The following ZFHX3 variants were observed in gnomAD, a reference collection of about 807,000 sequenced individuals.
ZFHX3 encodes zinc finger homeobox 3.
In ZFHX3, 42 loss-of-function variants were observed where a neutral mutation model predicts 279.1. That is an observed-to-expected ratio of 0.15 (90% confidence interval 0.12 to 0.19). The LOEUF (loss-of-function observed/expected upper bound fraction) is 0.19, where lower values mean the gene tolerates loss of function less well. ZFHX3 is among the 10% of genes least tolerant of loss of function. ZFHX3 has a pLI of 1.00. For missense variants in ZFHX3, 4,981 were observed against 4,754.0 expected (o/e 1.05, Z -1.40); for synonymous variants, 2,293 against 1,957.8 (o/e 1.17, Z -4.52).
upstream of ZFHX3, among the ~76,000 whole-genome samples, chr16:73,051,231 C>A (rs182103342): frequency 1.3e-5 from 2 of 152,050 alleles, no homozygotes; most frequent in Admixed American, 6.5e-5. Context: ...TTAAATAACC[C>A]GGAGGCTTTA....
chr16:72,994,451 C>A (rs890751497), intron 1 of ZFHX3, among the ~76,000 whole-genome samples: 51 of 152,188 alleles, frequency 3.4e-4, no homozygotes, highest in Admixed American at 9.2e-4. Flanking sequence ...TCTGGACCAG[C>A]TGAAATTGAG....
intron 2 of ZFHX3, among the ~76,000 whole-genome samples, chr16:73,617,013 C>T (rs973149559): frequency 3.9e-5 from 6 of 152,196 alleles, no homozygotes; most frequent in African/African-American, 1.4e-4. Flanking sequence ...AAGCCAAGCA[C>T]TCGGCCATTT....
At chr16:73,777,559 T>C (rs896842891) in intron 1 of ZFHX3, among the ~76,000 whole-genome samples, 2 of 132,552 alleles carry the variant, frequency 1.5e-5, no homozygotes, top group Non-Finnish European at 3.3e-5. Flanking sequence ...TTTAACAGAA[T>C]TAAGAAAACA....
At chr16:72,879,638 C>T (rs981815123) in intron 4 of ZFHX3, among the ~76,000 whole-genome samples, 2 of 152,088 alleles carry the variant, frequency 1.3e-5, no homozygotes, top group African/African-American at 4.8e-5. Context: ...GTTGGCCAGG[C>T]TGGTCTCCAA....
intron 3 of ZFHX3, among the ~76,000 whole-genome samples, chr16:73,427,570 G>A (rs1382932926): frequency 6.6e-6 from 1 of 152,106 alleles, no homozygotes; most frequent in Admixed American, 6.5e-5. Context: ...GGTGAAATGA[G>A]TCCTGTGCCC....
intron 5 of ZFHX3, among the ~76,000 whole-genome samples, chr16:73,202,297 A>G (rs1385892323): frequency 6.6e-6 from 1 of 152,224 alleles, no homozygotes; most frequent in Non-Finnish European, 1.5e-5. Context: ...TGAATCACCC[A>G]TCTCTTAGTT....
At chr16:73,700,886 T>C (rs192096483) in intron 1 of ZFHX3, among the ~76,000 whole-genome samples, 5 of 152,350 alleles carry the variant, frequency 3.3e-5, no homozygotes, top group African/African-American at 1.2e-4. Flanking sequence ...CCAGCTGAAT[T>C]GGCCTTATTG....
chr16:73,674,493 T>A (rs9936066), intron 2 of ZFHX3, among the ~76,000 whole-genome samples: 9,232 of 152,286 alleles, frequency 0.061, 940 homozygotes, highest in African/African-American at 0.21. Flanking sequence ...CAGTCAAGAA[T>A]AGACAACACT....
chr16:73,406,152 G>A lies in ZFHX3; in HGVS notation c.-1291+49851C>T, dbSNP rs191716350. Among the ~76,000 whole-genome samples, 4 of 152,358 alleles carry A rather than the reference G, an allele frequency of 2.6e-5. No individual in the cohort carries two copies. In the East Asian group the frequency reaches 5.8e-4, roughly 22 times the overall value. On this transcript the variant is annotated intron_variant, in intron 3 of 17. Coordinates refer to the ZFHX3 transcript ENST00000641206. ...TGCCTGCGCATCAGCTGCAAAGAACGCCCCGAACTAATTCCTCCGTTTCAC... is the reference window on the plus strand; with the variant it reads ...TGCCTGCGCATCAGCTGCAAAGAACACCCCGAACTAATTCCTCCGTTTCAC...
chr16:73,489,721 GA>G (rs1221184558), intron 2 of ZFHX3, among the ~76,000 whole-genome samples: 25 of 151,750 alleles, frequency 1.6e-4, no homozygotes, highest in Non-Finnish European at 2.8e-4. Context: ...GAATTATGTA[GA>G]AAAAAATCAG....
At chr16:73,257,895 A>G (rs2013704212) in intron 4 of ZFHX3, among the ~76,000 whole-genome samples, 1 of 152,214 alleles carries the variant, frequency 6.6e-6, no homozygotes, top group African/African-American at 2.4e-5. Context: ...AGGTTTCTCA[A>G]CTTCAACAGT....
At chr16:73,074,186 A>G (rs1965857760) in intron 8 of ZFHX3, among the ~76,000 whole-genome samples, 2 of 152,230 alleles carry the variant, frequency 1.3e-5, no homozygotes, top group South Asian at 4.1e-4. Flanking sequence ...TATCTGGAGA[A>G]TAATACGAAG....
At chr16:72,953,519 G>A (rs545673793) in intron 2 of ZFHX3, among the ~76,000 whole-genome samples, 1 of 152,300 alleles carries the variant, frequency 6.6e-6, no homozygotes, top group South Asian at 2.1e-4. Context: ...GAGAAATTCA[G>A]CTGTCACTTG....
intron 4 of ZFHX3, among the ~76,000 whole-genome samples, chr16:72,870,984 A>C (rs895272082): frequency 2.6e-5 from 4 of 152,120 alleles, no homozygotes; most frequent in Admixed American, 1.3e-4. Context: ...AATCCTTCCC[A>C]AAAAAATGGC....
chr16:72,808,162 T>G (rs2143560138), intron 7 of ZFHX3: 3 of 152,340 alleles, frequency 2.0e-5, no homozygotes, highest in Admixed American at 2.0e-4. Context: ...TTATAATCAC[T>G]TAGTTGTGAA....
intron 4 of ZFHX3, among the ~76,000 whole-genome samples, chr16:72,889,233 T>G (rs2038706627): frequency 6.6e-6 from 1 of 152,012 alleles, no homozygotes; most frequent in Non-Finnish European, 1.5e-5. Context: ...AACAAGCACT[T>G]ATTTTATTCC....
intron 9 of ZFHX3, among the ~76,000 whole-genome samples, chr16:72,792,719 G>C (rs561028285): frequency 7.8e-4 from 119 of 152,248 alleles, no homozygotes; most frequent in South Asian, 1.9e-3. Context: ...CAAAGTGCTG[G>C]GATTACAGGC....
At chr16:72,967,447 C>G (rs1272340212) in intron 1 of ZFHX3, among the ~76,000 whole-genome samples, 3 of 151,732 alleles carry the variant, frequency 2.0e-5, no homozygotes, top group Admixed American at 6.6e-5. Flanking sequence ...CCCCAAGTCC[C>G]TACTTTAAGA....
At chr16:73,840,467 C>G (rs115691845) in intron 1 of ZFHX3, among the ~76,000 whole-genome samples, 1 of 152,172 alleles carries the variant, frequency 6.6e-6, no homozygotes, top group Non-Finnish European at 1.5e-5. Flanking sequence ...AGGTACACAA[C>G]GTAATTTTTC....
Sources: gnomAD v4.1 joint callset for allele counts (sites outside exome capture counted in the v4.1 genomes callset) on GRCh38, gnomAD v4.1.1 for gene constraint, MANE v1.5 for transcripts, NCBI Gene and HGNC (gene_info 2026-07-23, HGNC 2026-07-21) for gene names.